P2RX5: variants seen among roughly 807,000 people sequenced by gnomAD.
P2RX5 encodes the protein purinergic receptor P2X 5.
Under a neutral mutation model 54.1 loss-of-function variants are expected in P2RX5, and 46 were observed. The ratio of observed to expected loss-of-function variants is 0.85; its 90% confidence interval spans 0.67 to 1.09. The LOEUF is 1.09. Ranked by LOEUF, P2RX5 falls within the 50% of genes least tolerant of loss-of-function variation. The pLI is 0.00. For synonymous variants in P2RX5, 226 were observed against 226.4 expected (o/e 1.00, Z 0.02); for missense variants, 566 against 549.8 (o/e 1.03, Z -0.29).
At chr17:3,711,188 C>T in the P2RX5 span, among the ~76,000 whole-genome samples, 1 of 152,092 alleles carries the variant, frequency 6.6e-6, no homozygotes, top group Non-Finnish European at 1.5e-5. Context: ...TTCTCCTTTG[C>T]CCTGGTACAG....
At chr17:3,692,244 G>A (rs563352551) in intron 1 of P2RX5, among the ~76,000 whole-genome samples, 174 of 152,064 alleles carry the variant, frequency 1.1e-3, no homozygotes, top group Non-Finnish European at 2.2e-3. Flanking sequence ...GTGAACCCGG[G>A]AGGCAGAGCT....
chr17:3,699,796 C>T (rs1597280733), upstream of P2RX5, among the ~76,000 whole-genome samples: 1 of 141,486 alleles, frequency 7.1e-6, no homozygotes, highest in Admixed American at 7.4e-5. Flanking sequence ...CAGAGTGATA[C>T]TCCATCTAAG....
In P2RX5 at chr17:3,673,506, G is replaced by T; in HGVS notation, c.*362C>A. ...CACGCACAATGCTATTCCCAGTGAG[G>T]TAATCTAGGAACTCTACAGGGCACT... On this transcript the variant is annotated 3_prime_UTR_variant, in exon 12 of 12. Transcript: ENST00000225328. 1.7e-6 allele frequency: 2 copies of T among 1,203,940 alleles called. No individual in the cohort carries two copies. The highest frequency in any genetic ancestry group is 2.1e-6 in the Non-Finnish European group (2 of 957,886). 74.6% of individuals were successfully genotyped at this position (1,203,940 alleles called of 1,614,324 possible).
upstream of P2RX5, among the ~76,000 whole-genome samples, chr17:3,699,094 C>CA (rs57191097): frequency 0.6 from 63,677 of 106,344 alleles, 16,686 homozygotes; most frequent in South Asian, 0.71. Context: ...CACACACACA[C>CA]CTATATATAT....
intron 1 of P2RX5, among the ~76,000 whole-genome samples, chr17:3,693,144 A>AAAAG (rs1555570527): frequency 7.9e-5 from 12 of 151,292 alleles, no homozygotes; most frequent in South Asian, 4.2e-4. Flanking sequence ...AAAAAAAAAA[A>AAAAG]AGAGAGAGAG....
upstream of P2RX5, chr17:3,696,173 C>A: frequency 1.7e-6 from 1 of 572,382 alleles, no homozygotes; most frequent in Non-Finnish European, 2.5e-6. Flanking sequence ...CGGGTCGGGG[C>A]GGCCTTTTAT....
the P2RX5 span, among the ~76,000 whole-genome samples, chr17:3,716,125 C>T: frequency 3.3e-5 from 5 of 151,246 alleles, no homozygotes; most frequent in Admixed American, 2.6e-4. Flanking sequence ...GAGCCGAGAT[C>T]GCACCACCGC....
intron 1 of P2RX5, among the ~76,000 whole-genome samples, chr17:3,694,840 T>C (rs1006731954): frequency 1.6e-4 from 24 of 152,084 alleles, no homozygotes; most frequent in African/African-American, 5.8e-4. Context: ...AGCCCAATAA[T>C]TACACTGTGG....
chr17:3,714,026 C>CAA, the P2RX5 span, among the ~76,000 whole-genome samples: 2 of 151,726 alleles, frequency 1.3e-5, no homozygotes. Flanking sequence ...CTCCCAGGTT[C>CAA]ACGCCATTCT....
the P2RX5 span, among the ~76,000 whole-genome samples, chr17:3,721,082 C>T: frequency 2.0e-5 from 3 of 151,728 alleles, no homozygotes; most frequent in African/African-American, 7.3e-5. Flanking sequence ...GTGCACCCCA[C>T]CACACTGGGC....
the P2RX5 span, chr17:3,723,813 C>G: frequency 6.3e-7 from 1 of 1,581,434 alleles, no homozygotes. Flanking sequence ...CCGTCCCGGC[C>G]CCGGCCCTGG....
chr17:3,695,924 T>A lies in P2RX5; in HGVS notation c.82A>T (p.Lys28Ter). The part of the protein sequence containing the change: ...TEKYVIAKNK[K>*]VGLLYRLLQA... ...AGCAGCCGGTACAGCAGGCCCACCTTCTTGTTCTTGGCGATGACATACTTC... is the reference window on the plus strand; with the variant it reads ...AGCAGCCGGTACAGCAGGCCCACCTACTTGTTCTTGGCGATGACATACTTC... Residue 28 changes from lysine to a stop codon, truncating the protein, a stop_gained, in exon 1 of 12, where the codon AAG becomes TAG. Coordinates refer to ENST00000225328, the MANE Select transcript of P2RX5 (RefSeq NM_002561.4). LOFTEE classifies it high-confidence loss of function. The A allele has an allele frequency of 1.2e-6, 2 of 1,614,094 alleles. No individual in the cohort carries two copies. The highest frequency in any genetic ancestry group is 1.7e-6 in the Non-Finnish European group (2 of 1,179,982).
intron 11 of P2RX5, chr17:3,675,337 G>C: frequency 1.0e-6 from 1 of 985,146 alleles, no homozygotes; most frequent in Non-Finnish European, 1.2e-6. Flanking sequence ...ACCGTGCCCG[G>C]CTAGGAAGAC....
chr17:3,689,475 GC>G lies in P2RX5; in HGVS notation c.753+16del. 1 of 1,613,604 alleles carries G rather than the reference GC, an allele frequency of 6.2e-7. No individual in the cohort carries two copies. Among genetic ancestry groups the G allele is most frequent in the Non-Finnish European group, 8.5e-7 (1 of 1,179,796 alleles). On this transcript the variant is annotated intron_variant, in intron 7 of 11. Coordinates refer to ENST00000225328, the MANE Select transcript of P2RX5 (RefSeq NM_002561.4). ...CCCAGGCCCTCAGGGAGGGCTCCCT[GC>G]GTGCACCCCACCCACCTCCAGGGCT...
At chr17:3,691,081 C>A in intron 2 of P2RX5, 54 bp from the exon 3 acceptor site, 1 of 1,327,216 alleles carries the variant, frequency 7.5e-7, no homozygotes, top group South Asian at 1.2e-5. Flanking sequence ...AGGGACCACC[C>A]CACCTTTCCA....
Position 3,673,801 on chromosome 17 carries a change from A to C in P2RX5, c.*67T>G. ...TTGGGCAGCATCCTGGGATTCCCAAAGGCATGGGATCACTGGGTGCTAGAC... is the reference window on the plus strand; with the variant it reads ...TTGGGCAGCATCCTGGGATTCCCAACGGCATGGGATCACTGGGTGCTAGAC... On this transcript the variant is annotated 3_prime_UTR_variant, in exon 12 of 12. Coordinates refer to ENST00000225328, the MANE Select transcript of P2RX5 (RefSeq NM_002561.4). 1.2e-6 allele frequency: 2 copies of C among 1,612,170 alleles called. No homozygotes were observed. The highest frequency in any genetic ancestry group is 1.3e-5 in the African/African-American group (1 of 74,978).
intron 3 of P2RX5, 60 bp from the exon 4 acceptor site, chr17:3,690,740 A>C (rs941788485): frequency 3.3e-6 from 5 of 1,533,364 alleles, no homozygotes; most frequent in Non-Finnish European, 4.5e-6. Flanking sequence ...GCCGGGTCCC[A>C]CTCCAGGAGA....
At chr17:3,681,669 T>C (rs902156294) in intron 10 of P2RX5, among the ~76,000 whole-genome samples, 1 of 152,186 alleles carries the variant, frequency 6.6e-6, no homozygotes, top group Non-Finnish European at 1.5e-5. Context: ...AGGCGGAGCC[T>C]GTGAACTCCG....
chr17:3,696,681 C>A (rs1268474233), upstream of P2RX5, among the ~76,000 whole-genome samples: 1 of 152,124 alleles, frequency 6.6e-6, no homozygotes, highest in Admixed American at 6.5e-5. Flanking sequence ...CTCAGGTGAT[C>A]CGCCCACCTC....
Sources: allele counts gnomAD v4.1 joint callset (sites outside exome capture counted in the v4.1 genomes callset), GRCh38; gene constraint gnomAD v4.1.1; transcripts MANE v1.5; gene names NCBI Gene and HGNC (gene_info 2026-07-23, HGNC 2026-07-21).